The following ROBO1 variants were observed in gnomAD, a reference collection of about 807,000 sequenced individuals.
ROBO1 encodes roundabout guidance receptor 1.
Under a neutral mutation model 195.9 loss-of-function variants are expected in ROBO1, and 149 were observed. That is an observed-to-expected ratio of 0.76 (90% CI 0.67 to 0.87). The LOEUF is 0.87. Ranked by LOEUF, ROBO1 falls within the 40% of genes least tolerant of loss-of-function variation. The pLI, the probability that ROBO1 is intolerant of heterozygous loss-of-function variation, is 0.00. For missense variants in ROBO1, 1,933 were observed against 2,068.3 expected (o/e 0.93, Z 1.27); for synonymous variants, 816 against 733.2 (o/e 1.11, Z -1.82).
chr3:79,450,800 C>A (rs1287584576), intron 2 of ROBO1, among the ~76,000 whole-genome samples: 1 of 151,730 alleles, frequency 6.6e-6, no homozygotes, highest in Non-Finnish European at 1.5e-5. Flanking sequence ...CATTTTTTGA[C>A]AACTAAATGA....
chr3:79,075,156 T>C (rs975138195), intron 3 of ROBO1, among the ~76,000 whole-genome samples: 8 of 151,856 alleles, frequency 5.3e-5, no homozygotes, highest in African/African-American at 1.9e-4. Context: ...AACTTTACAT[T>C]TGGTAACATC....
Position 79,761,075 on chromosome 3 carries a change from A to G in ROBO1, c.-51+6677T>C, listed in dbSNP as rs368466788. ...CTATAATATATATGCACTATATTAT[A>G]TATGAAATATATGTACTATATATAA... On this transcript the variant is annotated intron_variant, in intron 1 of 30. Coordinates refer to ENST00000464233, the MANE Select transcript of ROBO1 (RefSeq NM_002941.4). Among the ~76,000 whole-genome samples the G allele has an allele frequency of 3.1e-4, 46 of 148,318 alleles. 1 individual carries two copies. In the East Asian group the frequency reaches 6.4e-3, roughly 21 times the overall value.
intron 2 of ROBO1, among the ~76,000 whole-genome samples, chr3:79,447,521 C>T (rs2039302508): frequency 6.6e-6 from 1 of 152,170 alleles, no homozygotes; most frequent in Non-Finnish European, 1.5e-5. Flanking sequence ...ACTCTTTCGC[C>T]TTCCTTCAGA....
At chr3:79,576,456 G>A (rs1943487856) in intron 2 of ROBO1, among the ~76,000 whole-genome samples, 1 of 151,658 alleles carries the variant, frequency 6.6e-6, no homozygotes, top group South Asian at 2.1e-4. Context: ...CAATATACAG[G>A]ACATTGTATT....
At chr3:78,899,704 G>T (rs1454010443) in intron 4 of ROBO1, among the ~76,000 whole-genome samples, 1 of 152,056 alleles carries the variant, frequency 6.6e-6, no homozygotes, top group Non-Finnish European at 1.5e-5. Context: ...AAACACAAGT[G>T]ATAGCATATA....
chr3:79,727,464 A>T (rs1702971758), intron 1 of ROBO1, among the ~76,000 whole-genome samples: 1 of 152,198 alleles, frequency 6.6e-6, no homozygotes, highest in Non-Finnish European at 1.5e-5. Flanking sequence ...GGCCAAATTT[A>T]GTCTGGAATC....
chr3:79,297,765 T>C (rs1253380310), intron 2 of ROBO1, among the ~76,000 whole-genome samples: 1 of 152,154 alleles, frequency 6.6e-6, no homozygotes, highest in Non-Finnish European at 1.5e-5. Flanking sequence ...CACTACTATA[T>C]TGTTAGATGG....
intron 5 of ROBO1, 39 bp downstream of exon 5, chr3:78,746,704 G>T: frequency 7.2e-7 from 1 of 1,388,220 alleles, no homozygotes; most frequent in Non-Finnish European, 9.5e-7. Flanking sequence ...CACACAGTTA[G>T]ACCAACAAAT....
intron 2 of ROBO1, among the ~76,000 whole-genome samples, chr3:79,502,984 T>A (rs766818401): frequency 6.6e-6 from 1 of 152,116 alleles, no homozygotes; most frequent in Non-Finnish European, 1.5e-5. Context: ...ATCAGCAGGA[T>A]GTGGGTGGCA....
At chr3:79,674,454 T>G (rs1306774934) in intron 1 of ROBO1, among the ~76,000 whole-genome samples, 1 of 151,902 alleles carries the variant, frequency 6.6e-6, no homozygotes, top group Non-Finnish European at 1.5e-5. Flanking sequence ...GTTGCAAAAA[T>G]TTTTGAAAAT....
chr3:79,038,340 C>G (rs970954945), intron 3 of ROBO1, among the ~76,000 whole-genome samples: 5 of 152,146 alleles, frequency 3.3e-5, no homozygotes, highest in Non-Finnish European at 7.3e-5. Context: ...GACCTCCCTA[C>G]AGTTATTGCA....
chr3:79,079,401 A>G (rs2079230766), intron 3 of ROBO1, among the ~76,000 whole-genome samples: 1 of 151,824 alleles, frequency 6.6e-6, no homozygotes, highest in African/African-American at 2.4e-5. Flanking sequence ...TAAAGAAATG[A>G]TAATTGCAAA....
At position 79,112,150 on chromosome 3, in the gene ROBO1, G is replaced by A. The variant is rs140276698; in HGVS notation, c.172+13306C>T. Among the ~76,000 whole-genome samples the A allele has an allele frequency of 5.0e-3, 755 of 152,194 alleles. 7 individuals are homozygous for A. Among genetic ancestry groups the A allele is most frequent in the African/African-American group, 0.017 (712 of 41,514 alleles). On this transcript the variant is annotated intron_variant, in intron 3 of 30. Transcript: ENST00000464233. ...TACTAGAAAATTTAAAATGACACAT[G>A]CGGCTTGCATCTGTGGCATGGATTA...
chr3:79,112,054 T>G (rs1003980342), intron 3 of ROBO1, among the ~76,000 whole-genome samples: 45 of 152,326 alleles, frequency 3.0e-4, no homozygotes, highest in African/African-American at 8.9e-4. Flanking sequence ...CTTGGCTATA[T>G]TGGGTGAAAC....
At chr3:79,690,673 T>C (rs184023880) in intron 1 of ROBO1, among the ~76,000 whole-genome samples, 179 of 152,130 alleles carry the variant, frequency 1.2e-3, no homozygotes, top group African/African-American at 4.1e-3. Context: ...TGTTTTATCC[T>C]GTAATCCCAC....
At chr3:79,585,849 A>G (rs1453900240) in intron 2 of ROBO1, among the ~76,000 whole-genome samples, 1 of 151,988 alleles carries the variant, frequency 6.6e-6, no homozygotes, top group Admixed American at 6.6e-5. Context: ...TACTTTCTAA[A>G]TAGTCAGTGC....
chr3:78,637,986 G>T (rs952740011), intron 22 of ROBO1, among the ~76,000 whole-genome samples: 14 of 144,766 alleles, frequency 9.7e-5, no homozygotes, highest in South Asian at 2.1e-4. Context: ...TTTTTTTTTG[G>T]GGGGGGGAGG....
intron 3 of ROBO1, among the ~76,000 whole-genome samples, chr3:79,072,713 C>G (rs1483514759): frequency 6.6e-6 from 1 of 151,948 alleles, no homozygotes; most frequent in African/African-American, 2.4e-5. Flanking sequence ...CATTTGTAAT[C>G]AGTTTATTGA....
chr3:78,696,969 G>A (rs574469611), intron 8 of ROBO1, among the ~76,000 whole-genome samples: 133 of 151,260 alleles, frequency 8.8e-4, no homozygotes, highest in African/African-American at 2.7e-3. Flanking sequence ...TATGTTGAAC[G>A]AAATATCCAT....
Sources: gnomAD v4.1 joint callset for allele counts (sites outside exome capture counted in the v4.1 genomes callset) on GRCh38, gnomAD v4.1.1 for gene constraint, MANE v1.5 for transcripts, NCBI Gene and HGNC (gene_info 2026-07-23, HGNC 2026-07-21) for gene names.